The following KCNH1 variants were observed in gnomAD, a reference collection of about 807,000 sequenced individuals.
The protein encoded by KCNH1 is potassium voltage-gated channel subfamily H member 1, also known as voltage-gated delayed rectifier potassium channel KCNH1.
A neutral mutation model predicts 69.2 loss-of-function variants in KCNH1; 27 were observed. The ratio of observed to expected loss-of-function variants is 0.39; its 90% CI spans 0.29 to 0.54. The LOEUF is 0.54. Ranked by LOEUF, KCNH1 falls within the 20% of genes least tolerant of loss-of-function variation. KCNH1 has a pLI of 0.68. For missense variants in KCNH1, 798 were observed against 1,261.6 expected (o/e 0.63, Z 5.57); for synonymous variants, 456 against 487.7 (o/e 0.93, Z 0.86).
chr1:210,689,184 A>T (rs1681474541), intron 10 of KCNH1, among the ~76,000 whole-genome samples: 1 of 152,222 alleles, frequency 6.6e-6, no homozygotes, highest in Non-Finnish European at 1.5e-5. Flanking sequence ...TGACACTCAG[A>T]TCCTTAAGCT....
chr1:211,130,536 T>G (rs1390289392), intron 1 of KCNH1, among the ~76,000 whole-genome samples: 1 of 152,190 alleles, frequency 6.6e-6, no homozygotes, highest in African/African-American at 2.4e-5. Context: ...GTTCCATAAA[T>G]ACATTCAATA....
rs71146244 is a variant in KCNH1, at chr1:210,735,421, A to AGTGT, written c.2112+39923_2112+39926dup. Among the ~76,000 whole-genome samples, 525 of 132,068 alleles carry AGTGT rather than the reference A, an allele frequency of 4.0e-3. 2 individuals carry two copies. Among genetic ancestry groups the AGTGT allele is most frequent in the African/African-American group, 7.8e-3 (289 of 36,822 alleles). 86.6% of individuals were successfully genotyped at this position (132,068 alleles called of 152,430 possible). A position where few individuals can be genotyped will look rare whatever the true frequency, so the allele number is the denominator to read the frequency against. Reference sequence around the variant, plus strand: ...TGATGTGTGAGTGAATGAGTGAGTGAGTGTGTGTGTGTGTGTGTGTGTGTG... The same window carrying AGTGT: ...TGATGTGTGAGTGAATGAGTGAGTGAGTGTGTGTGTGTGTGTGTGTGTGTGTGTG... On this transcript the variant is annotated intron_variant, in intron 10 of 10. Transcript: ENST00000271751.
At chr1:210,821,695 A>G (rs933489029) in intron 7 of KCNH1, among the ~76,000 whole-genome samples, 1 of 152,164 alleles carries the variant, frequency 6.6e-6, no homozygotes, top group Non-Finnish European at 1.5e-5. Context: ...CTCCAGCTAA[A>G]AAATTGCAGA....
At chr1:210,767,357 C>G (rs1002199486) in intron 10 of KCNH1, among the ~76,000 whole-genome samples, 5 of 152,148 alleles carry the variant, frequency 3.3e-5, no homozygotes, top group African/African-American at 9.7e-5. Context: ...CGAGACCCTG[C>G]CAGTAATCTC....
intron 7 of KCNH1, among the ~76,000 whole-genome samples, chr1:210,824,306 T>C (rs1347130646): frequency 6.6e-6 from 1 of 151,374 alleles, no homozygotes; most frequent in African/African-American, 2.4e-5. Flanking sequence ...TAGACATCTA[T>C]GTAGATATAA....
chr1:210,746,546 C>A (rs1683164521), intron 10 of KCNH1, among the ~76,000 whole-genome samples: 1 of 150,100 alleles, frequency 6.7e-6, no homozygotes, highest in African/African-American at 2.5e-5. Context: ...TATGATGTCA[C>A]ACAATCTTTT....
intron 2 of KCNH1, among the ~76,000 whole-genome samples, chr1:211,106,487 A>G (rs971693308): frequency 2.5e-5 from 3 of 118,544 alleles, no homozygotes; most frequent in African/African-American, 9.4e-5. Flanking sequence ...TTTCTGAAGT[A>G]AAAAACTTTG....
chr1:210,975,533 A>C (rs1039824904), intron 6 of KCNH1, among the ~76,000 whole-genome samples: 1 of 152,256 alleles, frequency 6.6e-6, no homozygotes, highest in Non-Finnish European at 1.5e-5. Flanking sequence ...GTGATGGGGA[A>C]ACTGGCTAGC....
chr1:210,976,055 C>T (rs1344240907), intron 6 of KCNH1, among the ~76,000 whole-genome samples: 1 of 152,176 alleles, frequency 6.6e-6, no homozygotes, highest in Non-Finnish European at 1.5e-5. Context: ...AATGAGATAC[C>T]ATCTCACACC....
chr1:211,033,294 A>T (rs1469715287), intron 5 of KCNH1, among the ~76,000 whole-genome samples: 1 of 152,242 alleles, frequency 6.6e-6, no homozygotes. Flanking sequence ...AGAAATAGGA[A>T]CACTTTTTTA....
At position 211,133,448 on chromosome 1, in the gene KCNH1, C is replaced by T. The variant is rs1691913840; in HGVS notation, c.79+419G>A. ...GTTGCCCGTCTCTACTGCTGGCTCT[C>T]CCTGGGGAGAGGCGGCGCCTCTGGG... On this transcript the variant is annotated intron_variant, in intron 1 of 10. Coordinates refer to ENST00000271751, the MANE Select transcript of KCNH1 (RefSeq NM_172362.3). The surrounding 1 kb of genome is among the most constrained non-coding windows in gnomAD (Gnocchi z 5.4). The T allele has an allele frequency of 6.5e-6, 1 of 153,740 alleles. No homozygotes were observed. The highest frequency in any genetic ancestry group is 2.4e-5 in the African/African-American group (1 of 41,516). The allele number at this position is 153,740 out of a possible 1,614,324, so 9.5% of individuals were successfully genotyped here.
chr1:210,958,091 C>A (rs1688215301), intron 6 of KCNH1, among the ~76,000 whole-genome samples: 1 of 152,082 alleles, frequency 6.6e-6, no homozygotes, highest in Non-Finnish European at 1.5e-5. Flanking sequence ...TTCAGGAGCT[C>A]TTGTAAGGCA....
chr1:211,049,027 T>C (rs559923734), intron 5 of KCNH1, among the ~76,000 whole-genome samples: 2 of 152,172 alleles, frequency 1.3e-5, no homozygotes, highest in Non-Finnish European at 2.9e-5. Flanking sequence ...ATAAAGTTCA[T>C]TTATTTGAAG....
At chr1:210,863,851 TACTC>T (rs1377517747) in intron 7 of KCNH1, among the ~76,000 whole-genome samples, 1 of 152,208 alleles carries the variant, frequency 6.6e-6, no homozygotes, top group African/African-American at 2.4e-5. Flanking sequence ...CCACACGAAG[TACTC>T]TTGAACTCTG....
At chr1:210,872,058 T>C (rs1686262154) in intron 7 of KCNH1, among the ~76,000 whole-genome samples, 1 of 120,932 alleles carries the variant, frequency 8.3e-6, no homozygotes, top group Admixed American at 8.9e-5. Context: ...ATAATAATAA[T>C]AAATTAAAAA....
intron 6 of KCNH1, among the ~76,000 whole-genome samples, chr1:211,006,712 T>C (rs1689293017): frequency 6.6e-6 from 1 of 152,078 alleles, no homozygotes. Flanking sequence ...CACAAATTTA[T>C]TTACAAAGAC....
chr1:210,882,321 A>T (rs533566646), intron 7 of KCNH1, among the ~76,000 whole-genome samples: 57 of 152,296 alleles, frequency 3.7e-4, no homozygotes, highest in Non-Finnish European at 6.2e-4. Flanking sequence ...TCAAATGGAG[A>T]TTGAGCAAGG....
At chr1:211,083,773 T>A (rs1016040468) in intron 4 of KCNH1, among the ~76,000 whole-genome samples, 10 of 152,206 alleles carry the variant, frequency 6.6e-5, no homozygotes, top group Admixed American at 6.5e-4. Context: ...ATGATTTTAT[T>A]TTTTTATATC....
rs59236385 is a variant in KCNH1 at position 210,860,028 on chromosome 1, C to T, written c.1463-55862G>A. Reference sequence around the variant, plus strand: ...TAAGGGAATGCACTGGTCAACGTGACGCCCTTTGCACTGCAGAACGATGAC... The same window carrying T: ...TAAGGGAATGCACTGGTCAACGTGATGCCCTTTGCACTGCAGAACGATGAC... On this transcript the variant is annotated intron_variant, in intron 7 of 10. Transcript: ENST00000271751. 2,298 of 1,529,150 alleles carry T rather than the reference C, an allele frequency of 1.5e-3. 33 individuals carry two copies. The African/African-American group carries it at 0.024, about 16-fold the overall frequency. The allele number at this position is 1,529,150 out of a possible 1,614,324, so 94.7% of individuals were successfully genotyped here.
Sources: allele counts gnomAD v4.1 joint callset (sites outside exome capture counted in the v4.1 genomes callset), GRCh38; gene constraint gnomAD v4.1.1; non-coding constraint Gnocchi (gnomAD v3.1); transcripts MANE v1.5; gene names NCBI Gene and HGNC (gene_info 2026-07-23, HGNC 2026-07-21).